Variants in ANTXR1 observed in about 807,000 individuals in gnomAD.
The protein encoded by ANTXR1 is ANTXR cell adhesion molecule 1, also known as anthrax toxin receptor 1.
A neutral mutation model predicts 78.1 loss-of-function variants in ANTXR1; 19 were observed. The ratio of observed to expected loss-of-function variants is 0.24; its 90% CI spans 0.17 to 0.36. The LOEUF (loss-of-function observed/expected upper bound fraction) is 0.36. Ranked by LOEUF, ANTXR1 falls within the 10% of genes least tolerant of loss-of-function variation. The pLI is 1.00. For synonymous variants in ANTXR1, 273 were observed against 260.5 expected (o/e 1.05, Z -0.46); for missense variants, 518 against 718.6 (o/e 0.72, Z 3.19).
intron 2 of ANTXR1, among the ~76,000 whole-genome samples, chr2:69,041,878 C>T (rs1478272091): frequency 2.0e-5 from 3 of 152,152 alleles, no homozygotes; most frequent in African/African-American, 7.2e-5. Context: ...CTCCGCTAAC[C>T]CTGCTTGGCC....
chr2:69,161,837 G>A (rs1673690758), intron 13 of ANTXR1, among the ~76,000 whole-genome samples: 1 of 152,208 alleles, frequency 6.6e-6, no homozygotes, highest in Admixed American at 6.5e-5. Flanking sequence ...TGTTCTGGTG[G>A]CTTCTCATGC....
At chr2:69,156,056 A>G (rs1573939901) in intron 13 of ANTXR1, among the ~76,000 whole-genome samples, 2 of 152,020 alleles carry the variant, frequency 1.3e-5, no homozygotes, top group Admixed American at 6.5e-5. Flanking sequence ...CTCCCAAGAT[A>G]TCAGTCACCT....
At chr2:69,200,518 A>C (rs145614677) in intron 17 of ANTXR1, among the ~76,000 whole-genome samples, 1 of 152,142 alleles carries the variant, frequency 6.6e-6, no homozygotes, top group East Asian at 1.9e-4. Flanking sequence ...AAGTGTCTGC[A>C]CTCTTGCATT....
At position 69,246,985 on chromosome 2, in the gene ANTXR1, A is replaced by T. The variant is rs1247938853; in HGVS notation, c.*1500A>T. The T allele has an allele frequency of 6.6e-6, 1 of 152,200 alleles. No individual in the cohort carries two copies. The highest frequency in any genetic ancestry group is 1.5e-5 in the Non-Finnish European group (1 of 68,034). 9.4% of individuals were successfully genotyped at this position (152,200 alleles called of 1,614,324 possible). A position where few individuals can be genotyped will look rare whatever the true frequency, so the allele number is the denominator to read the frequency against. ...GTGGCTTGGGCTATGGTCTCCAAAGATCCTTCAAAAATACATCAAGCCAGC... is the reference window on the plus strand; with the variant it reads ...GTGGCTTGGGCTATGGTCTCCAAAGTTCCTTCAAAAATACATCAAGCCAGC... On this transcript the variant is annotated 3_prime_UTR_variant, in exon 18 of 18. Coordinates refer to ENST00000303714, the MANE Select transcript of ANTXR1 (RefSeq NM_032208.3).
chr2:69,162,358 G>A (rs1284666352), intron 13 of ANTXR1, among the ~76,000 whole-genome samples: 1 of 152,180 alleles, frequency 6.6e-6, no homozygotes, highest in African/African-American at 2.4e-5. Context: ...ATGGGCTATG[G>A]GTTTGATGTG....
At chr2:69,196,853 G>C (rs1188401025) in intron 17 of ANTXR1, among the ~76,000 whole-genome samples, 1 of 152,144 alleles carries the variant, frequency 6.6e-6, no homozygotes, top group South Asian at 2.1e-4. Flanking sequence ...CTTAGTTCCT[G>C]TCTCCTTCAT....
chr2:69,119,465 T>A (rs1040543796), intron 10 of ANTXR1, among the ~76,000 whole-genome samples: 1 of 152,192 alleles, frequency 6.6e-6, no homozygotes, highest in African/African-American at 2.4e-5. Flanking sequence ...TAAATATAGG[T>A]TCGAGTCAGC....
At chr2:69,124,276 G>C (rs995482851) in intron 11 of ANTXR1, among the ~76,000 whole-genome samples, 1 of 152,210 alleles carries the variant, frequency 6.6e-6, no homozygotes, top group African/African-American at 2.4e-5. Flanking sequence ...AGTAAGCTTT[G>C]CCCATTCAAT....
intron 17 of ANTXR1, among the ~76,000 whole-genome samples, chr2:69,238,153 C>T (rs187074040): frequency 3.3e-5 from 5 of 152,340 alleles, no homozygotes; most frequent in Admixed American, 1.3e-4. Context: ...CTACCTGTCA[C>T]TCAGTGGTCA....
At chr2:69,156,312 T>C (rs1673523790) in intron 13 of ANTXR1, among the ~76,000 whole-genome samples, 1 of 152,172 alleles carries the variant, frequency 6.6e-6, no homozygotes, top group African/African-American at 2.4e-5. Flanking sequence ...CACCCTCATA[T>C]GTGCATCCTC....
chr2:69,016,558 G>A (rs919350789), intron 1 of ANTXR1, among the ~76,000 whole-genome samples: 2 of 152,162 alleles, frequency 1.3e-5, no homozygotes, highest in African/African-American at 4.8e-5. Flanking sequence ...AAGCTTGTAA[G>A]CTATTTTAGG....
At chr2:69,135,856 A>C (rs1672895095) in intron 12 of ANTXR1, among the ~76,000 whole-genome samples, 1 of 152,170 alleles carries the variant, frequency 6.6e-6, no homozygotes, top group Admixed American at 6.5e-5. Context: ...ATAAATGAAG[A>C]ATTTAATTAA....
chr2:69,081,013 G>A (rs899916877), intron 8 of ANTXR1, among the ~76,000 whole-genome samples: 1 of 152,198 alleles, frequency 6.6e-6, no homozygotes, highest in South Asian at 2.1e-4. Flanking sequence ...AGGAAATCTA[G>A]ACATCATGGC....
chr2:69,170,710 T>C (rs1004314749), intron 14 of ANTXR1, among the ~76,000 whole-genome samples: 1 of 152,196 alleles, frequency 6.6e-6, no homozygotes, highest in African/African-American at 2.4e-5. Context: ...GTTCTAGGAA[T>C]AACCTGATGC....
At position 69,046,339 on chromosome 2, in the gene ANTXR1, A is replaced by G. The variant is rs116109081; in HGVS notation, c.296+1526A>G. 1.8e-4 allele frequency among the ~76,000 whole-genome samples: 28 copies of G among 152,276 alleles called. No homozygotes were observed. The East Asian group carries it at 2.1e-3, about 12-fold the overall frequency. On this transcript the variant is annotated intron_variant, in intron 3 of 17. Transcript: ENST00000303714. Reference sequence around the variant, plus strand: ...GAGGGGTCAGGGATTTATAAACACTATCAGAATGCCAAGTCTTCCAGACCC... The same window carrying G: ...GAGGGGTCAGGGATTTATAAACACTGTCAGAATGCCAAGTCTTCCAGACCC...
chr2:69,215,452 A>G (rs1420397096), intron 17 of ANTXR1, among the ~76,000 whole-genome samples: 4 of 152,232 alleles, frequency 2.6e-5, no homozygotes, highest in Non-Finnish European at 5.9e-5. Flanking sequence ...CCATTTTAAC[A>G]TTCATTACAT....
At chr2:69,043,822 G>A (rs775303543) in intron 2 of ANTXR1, among the ~76,000 whole-genome samples, 8 of 152,284 alleles carry the variant, frequency 5.3e-5, no homozygotes, top group African/African-American at 7.2e-5. Context: ...GTGGTCAGAC[G>A]ATTGAGGCCA....
At chr2:69,203,537 T>C (rs1674823340) in intron 17 of ANTXR1, among the ~76,000 whole-genome samples, 1 of 152,186 alleles carries the variant, frequency 6.6e-6, no homozygotes, top group Admixed American at 6.5e-5. Context: ...AAATATACCA[T>C]CTTGGGATTT....
intron 17 of ANTXR1, among the ~76,000 whole-genome samples, chr2:69,202,647 A>G (rs1441635309): frequency 1.3e-5 from 2 of 152,158 alleles, no homozygotes; most frequent in Non-Finnish European, 2.9e-5. Flanking sequence ...CTCCTTAGTG[A>G]CATGGGTTGT....
Sources: allele counts gnomAD v4.1 joint callset (sites outside exome capture counted in the v4.1 genomes callset), GRCh38; gene constraint gnomAD v4.1.1; transcripts MANE v1.5; gene names NCBI Gene and HGNC (gene_info 2026-07-23, HGNC 2026-07-21).